Variants in CGNL1 observed in about 807,000 individuals in gnomAD.
CGNL1 encodes cingulin like 1, also known as cingulin-like protein 1.
In CGNL1, 132 loss-of-function variants were observed where a neutral mutation model predicts 141.2. The observed-to-expected ratio is 0.93, with a 90% confidence interval of 0.81 to 1.08. CGNL1 has a LOEUF of 1.08. CGNL1 is among the 50% of genes least tolerant of loss of function. The probability of loss-of-function intolerance (pLI) is 0.00; values close to 1 mark genes in which losing one functional copy is unlikely to be tolerated. For missense variants in CGNL1, 1,870 were observed against 1,588.6 expected, an observed-to-expected ratio of 1.18 and a Z score of -3.01; for synonymous variants, 690 against 622.1, an observed-to-expected ratio of 1.11 and a Z score of -1.63.
intron 8 of CGNL1, among the ~76,000 whole-genome samples, chr15:57,472,365 G>A (rs971825369): frequency 7.9e-5 from 12 of 152,256 alleles, no homozygotes; most frequent in Admixed American, 6.5e-4. Context: ...GAAGCAGATA[G>A]GGAACAGCTC....
chr15:57,480,451 C>T (rs751174363), intron 8 of CGNL1, among the ~76,000 whole-genome samples: 8 of 151,954 alleles, frequency 5.3e-5, no homozygotes, highest in African/African-American at 9.7e-5. Context: ...ACTCAGGAGG[C>T]GGAGGTTGCA....
chr15:57,521,149 C>T (rs762674822), intron 10 of CGNL1, among the ~76,000 whole-genome samples: 11 of 152,106 alleles, frequency 7.2e-5, no homozygotes, highest in Admixed American at 2.6e-4. Flanking sequence ...CATGAAGGGT[C>T]GGAAAAATGC....
At chr15:57,465,772 G>C (rs1405953555) in intron 8 of CGNL1, among the ~76,000 whole-genome samples, 2 of 152,122 alleles carry the variant, frequency 1.3e-5, no homozygotes, top group Non-Finnish European at 2.9e-5. Context: ...CACTGCCCCA[G>C]TGTCAAAACC....
chr15:57,425,407 A>G (rs897702573), intron 1 of CGNL1, among the ~76,000 whole-genome samples: 1 of 152,220 alleles, frequency 6.6e-6, no homozygotes, highest in Non-Finnish European at 1.5e-5. Flanking sequence ...TGAGTGGGCT[A>G]TCAAATTTTA....
chr15:57,529,284 G>C (rs1284121896), intron 13 of CGNL1, among the ~76,000 whole-genome samples: 6 of 152,116 alleles, frequency 3.9e-5, no homozygotes, highest in African/African-American at 1.4e-4. Context: ...AGGTTATTGG[G>C]CTTTGCCAGA....
chr15:57,464,584 C>T (rs1449811008), intron 8 of CGNL1, among the ~76,000 whole-genome samples: 3 of 152,020 alleles, frequency 2.0e-5, no homozygotes, highest in Non-Finnish European at 4.4e-5. Context: ...TGAATTTTTT[C>T]AGTGGTGATG....
intron 13 of CGNL1, 120 bp from the exon 14 acceptor site, chr15:57,531,570 C>T: frequency 3.0e-6 from 2 of 671,484 alleles, no homozygotes; most frequent in South Asian, 1.9e-5. Context: ...ATTGTTTTTC[C>T]AAACTCTAAT....
At chr15:57,426,156 T>C (rs906187360) in intron 1 of CGNL1, among the ~76,000 whole-genome samples, 1 of 152,084 alleles carries the variant, frequency 6.6e-6, no homozygotes, top group Non-Finnish European at 1.5e-5. Flanking sequence ...ACATTCTTTT[T>C]TTTTTTGAGA....
At chr15:57,482,709 T>C (rs1035383538) in intron 8 of CGNL1, among the ~76,000 whole-genome samples, 14 of 152,204 alleles carry the variant, frequency 9.2e-5, no homozygotes, top group Admixed American at 4.6e-4. Flanking sequence ...TAAAATCTGG[T>C]AGACTGAATC....
intron 4 of CGNL1, among the ~76,000 whole-genome samples, chr15:57,446,305 A>G (rs984002862): frequency 6.6e-6 from 1 of 152,174 alleles, no homozygotes; most frequent in African/African-American, 2.4e-5. Flanking sequence ...AATACCATCT[A>G]GATCAAGATA....
At chr15:57,539,098 C>A (rs1595812354) in intron 14 of CGNL1, among the ~76,000 whole-genome samples, 1 of 152,130 alleles carries the variant, frequency 6.6e-6, no homozygotes, top group African/African-American at 2.4e-5. Flanking sequence ...TGGCCGGGAG[C>A]ACAGCTGCAG....
intron 8 of CGNL1, among the ~76,000 whole-genome samples, chr15:57,474,073 G>A (rs1322407855): frequency 6.6e-6 from 1 of 151,714 alleles, no homozygotes; most frequent in Non-Finnish European, 1.5e-5. Flanking sequence ...ACCACGCCTG[G>A]CTAATTTTTG....
chr15:57,469,744 G>T (rs1454578878), intron 8 of CGNL1, among the ~76,000 whole-genome samples: 3 of 152,144 alleles, frequency 2.0e-5, no homozygotes, highest in African/African-American at 4.8e-5. Context: ...TTTTGGCTGT[G>T]TGTGTGTATT....
chr15:57,511,938 G>C (rs1222892842), intron 8 of CGNL1, among the ~76,000 whole-genome samples: 2 of 152,178 alleles, frequency 1.3e-5, no homozygotes, highest in African/African-American at 4.8e-5. Context: ...TATTTATGAT[G>C]GTGCTTCCTC....
chr15:57,489,843 A>G (rs763836894), intron 8 of CGNL1, among the ~76,000 whole-genome samples: 6 of 152,188 alleles, frequency 3.9e-5, no homozygotes, highest in Non-Finnish European at 8.8e-5. Context: ...ACTACTAACT[A>G]TTAAGTTCAA....
intron 8 of CGNL1, among the ~76,000 whole-genome samples, chr15:57,483,385 G>T (rs1458771701): frequency 6.6e-6 from 1 of 150,838 alleles, no homozygotes; most frequent in Admixed American, 6.6e-5. Context: ...CAGAAATGCA[G>T]TTGTATGTTT....
chr15:57,458,643 A>T (rs1290196088), intron 7 of CGNL1, among the ~76,000 whole-genome samples: 1 of 152,212 alleles, frequency 6.6e-6, no homozygotes, highest in Non-Finnish European at 1.5e-5. Flanking sequence ...GGTCAGAATC[A>T]CAGGGCCTGC....
intron 1 of CGNL1, among the ~76,000 whole-genome samples, chr15:57,379,475 T>C (rs2062402384): frequency 6.6e-6 from 1 of 152,220 alleles, no homozygotes; most frequent in Non-Finnish European, 1.5e-5. Flanking sequence ...TTCCTTTTTT[T>C]CTTTGTTTAA....
In CGNL1 at chr15:57,507,783, G is replaced by A. The variant is rs78312481; in HGVS notation, c.2404-8997G>A. Among the ~76,000 whole-genome samples the A allele has an allele frequency of 3.9e-5, 6 of 152,338 alleles. No individual in the cohort carries two copies. In the East Asian group the frequency reaches 1.2e-3, roughly 29 times the overall value. On this transcript the variant is annotated intron_variant, in intron 8 of 18. Coordinates refer to ENST00000281282, the MANE Select transcript of CGNL1 (RefSeq NM_032866.5). ...AAAATGTAAACATGAGGCAGTAGGA[G>A]TAGAACCTCTAGTCATCTTAGCTCA...
Sources: allele counts gnomAD v4.1 joint callset (sites outside exome capture counted in the v4.1 genomes callset), GRCh38; gene constraint gnomAD v4.1.1; transcripts MANE v1.5; gene names NCBI Gene and HGNC (gene_info 2026-07-23, HGNC 2026-07-21).